TEX36: variants seen among roughly 807,000 people sequenced by gnomAD.
TEX36 encodes testis expressed 36.
TEX36 carries 12 observed loss-of-function variants against 13.6 expected under a neutral mutation model. The observed-to-expected ratio is 0.88, with a 90% CI of 0.56 to 1.43. The LOEUF (loss-of-function observed/expected upper bound fraction) is 1.43, where lower values mean the gene tolerates loss of function less well. Among genes scored for constraint, TEX36 ranks in the 40% most tolerant of loss-of-function variants. TEX36 has a pLI of 0.00. For synonymous variants in TEX36, 93 were observed against 83.0 expected (o/e 1.12, Z -0.65); for missense variants, 224 against 228.3 (o/e 0.98, Z 0.12).
chr10:125,626,018 C>T (rs1357506402), intron 3 of TEX36, among the ~76,000 whole-genome samples: 1 of 152,212 alleles, frequency 6.6e-6, no homozygotes, highest in South Asian at 2.1e-4. Context: ...GGGACCACGG[C>T]TGCAGAGAAC....
At chr10:125,663,393 A>AT (rs930871063) in intron 1 of TEX36, among the ~76,000 whole-genome samples, 7 of 152,194 alleles carry the variant, frequency 4.6e-5, no homozygotes, top group East Asian at 1.9e-4. Context: ...AGATATATTG[A>AT]TTTTTTTTAG....
intron 3 of TEX36, among the ~76,000 whole-genome samples, chr10:125,613,748 C>T (rs1846322340): frequency 6.6e-6 from 1 of 152,084 alleles, no homozygotes; most frequent in Non-Finnish European, 1.5e-5. Context: ...CATACGTGTG[C>T]ATGTGTCTTT....
intron 3 of TEX36, among the ~76,000 whole-genome samples, chr10:125,586,677 C>T (rs1308808578): frequency 6.7e-6 from 1 of 148,610 alleles, no homozygotes. Context: ...CATGGTGTCA[C>T]ACACTTGTAG....
chr10:125,618,360 G>A (rs1021841101), downstream of TEX36, among the ~76,000 whole-genome samples: 18 of 152,126 alleles, frequency 1.2e-4, no homozygotes, highest in Non-Finnish European at 1.6e-4. Context: ...GAGGAGAGGC[G>A]CTCTGCTTTT....
intron 1 of TEX36, among the ~76,000 whole-genome samples, chr10:125,666,268 C>G (rs897187731): frequency 6.6e-6 from 1 of 152,096 alleles, no homozygotes; most frequent in Non-Finnish European, 1.5e-5. Context: ...GAATCCTTGT[C>G]TTGTTTCAGT....
chr10:125,636,187 CA>C (rs1846621384), intron 3 of TEX36, among the ~76,000 whole-genome samples: 1 of 147,792 alleles, frequency 6.8e-6, no homozygotes, highest in Non-Finnish European at 1.5e-5. Flanking sequence ...CAAATGTTTA[CA>C]ACTGTGTTTG....
At chr10:125,580,028 G>A (rs1456520841) in intron 3 of TEX36, among the ~76,000 whole-genome samples, 1 of 152,212 alleles carries the variant, frequency 6.6e-6, no homozygotes, top group Non-Finnish European at 1.5e-5. Flanking sequence ...GAAAGTACCT[G>A]TTGGGTACTT....
At chr10:125,585,025 C>T (rs1845926957) in intron 3 of TEX36, among the ~76,000 whole-genome samples, 1 of 152,156 alleles carries the variant, frequency 6.6e-6, no homozygotes, top group African/African-American at 2.4e-5. Flanking sequence ...CAGCCTTAGG[C>T]AAGGATTAAC....
At chr10:125,653,742 C>T (rs1408204291), downstream of TEX36, among the ~76,000 whole-genome samples, 4 of 152,084 alleles carry the variant, frequency 2.6e-5, no homozygotes, top group Admixed American at 2.6e-4. Flanking sequence ...TGCCTCTAAT[C>T]CCAGCACAGG....
intron 3 of TEX36, among the ~76,000 whole-genome samples, chr10:125,596,345 G>C (rs1846081927): frequency 6.6e-6 from 1 of 152,160 alleles, no homozygotes; most frequent in Non-Finnish European, 1.5e-5. Flanking sequence ...AGAAATAGAG[G>C]TGAGGAAGTT....
chr10:125,651,296 C>T (rs139665963), downstream of TEX36, among the ~76,000 whole-genome samples: 785 of 152,310 alleles, frequency 5.2e-3, 6 homozygotes, highest in African/African-American at 0.017. Context: ...AGCTTATCCA[C>T]CATGATCAAG....
intron 3 of TEX36, among the ~76,000 whole-genome samples, chr10:125,650,564 AC>A (rs1311881183): frequency 2.0e-5 from 3 of 152,334 alleles, no homozygotes; most frequent in African/African-American, 7.2e-5. Flanking sequence ...TAAAATCGAT[AC>A]CCTAACATCA....
chr10:125,605,343 C>G (rs1202391273), intron 3 of TEX36, among the ~76,000 whole-genome samples: 2 of 152,076 alleles, frequency 1.3e-5, no homozygotes, highest in Admixed American at 1.3e-4. Flanking sequence ...CATAGTGCAG[C>G]AATGTGGTCA....
At chr10:125,589,426 C>G (rs1589742928) in intron 3 of TEX36, among the ~76,000 whole-genome samples, 1 of 152,136 alleles carries the variant, frequency 6.6e-6, no homozygotes, top group Non-Finnish European at 1.5e-5. Context: ...TTGTCTTATA[C>G]CTGACTTTAA....
downstream of TEX36, among the ~76,000 whole-genome samples, chr10:125,655,457 A>G (rs1037764341): frequency 4.6e-5 from 7 of 152,176 alleles, no homozygotes; most frequent in African/African-American, 9.7e-5. Flanking sequence ...ATTAAAAAAA[A>G]GTTGTAGAAT....
chr10:125,605,240 C>T (rs900150294), intron 3 of TEX36, among the ~76,000 whole-genome samples: 1 of 152,194 alleles, frequency 6.6e-6, no homozygotes, highest in African/African-American at 2.4e-5. Context: ...CCTAGACAGC[C>T]CATAAAGTCT....
chr10:125,602,171 G>A (rs924416369), intron 3 of TEX36, among the ~76,000 whole-genome samples: 2 of 152,134 alleles, frequency 1.3e-5, no homozygotes, highest in Admixed American at 6.5e-5. Context: ...AGAAGGAGGG[G>A]GCTCAACTGT....
intron 3 of TEX36, chr10:125,640,305 T>A: frequency 1.6e-6 from 1 of 634,518 alleles, no homozygotes; most frequent in Non-Finnish European, 2.0e-6. Flanking sequence ...CAGATCTGTT[T>A]AATTTCTATT....
rs550251673 is a variant in TEX36, at chr10:125,590,292, A to AT, written c.265-13419dup. On this transcript the variant is annotated intron_variant, in intron 3 of 3. Coordinates refer to the TEX36 transcript ENST00000532135. ...ACCCAGCTAATTTTTTAAAAAAAAA[A>AT]TTTTTGTAGAGAGAAGGTTTCACTG... is the stretch of plus-strand genomic sequence containing the variant. Among the ~76,000 whole-genome samples the AT allele has an allele frequency of 2.4e-4, 37 of 152,022 alleles. No homozygotes were observed. The South Asian group carries it at 5.4e-3, about 22-fold the overall frequency.
Sources: gnomAD v4.1 joint callset for allele counts (sites outside exome capture counted in the v4.1 genomes callset) on GRCh38, gnomAD v4.1.1 for gene constraint, MANE v1.5 for transcripts, NCBI Gene and HGNC (gene_info 2026-07-23, HGNC 2026-07-21) for gene names.